Variants in ANO3 observed in about 807,000 individuals in gnomAD.
ANO3 encodes anoctamin-3.
Under a neutral mutation model 144.8 loss-of-function variants are expected in ANO3, and 99 were observed. The observed-to-expected ratio is 0.68, with a 90% CI of 0.58 to 0.81. The LOEUF (loss-of-function observed/expected upper bound fraction) is 0.81, where lower values mean the gene tolerates loss of function less well. Ranked by LOEUF, ANO3 falls within the 30% of genes least tolerant of loss-of-function variation. The pLI, the probability that ANO3 is intolerant of heterozygous loss-of-function variation, is 0.00. For missense variants in ANO3, 905 were observed against 1,202.2 expected (o/e 0.75, Z 3.66); for synonymous variants, 414 against 392.6 (o/e 1.05, Z -0.64).
At chr11:26,271,577 A>G (rs1245849609) in intron 1 of ANO3, among the ~76,000 whole-genome samples, 2 of 152,140 alleles carry the variant, frequency 1.3e-5, no homozygotes, top group African/African-American at 4.8e-5. Flanking sequence ...TACACATTTT[A>G]TCACCCTTCA....
intron 3 of ANO3, among the ~76,000 whole-genome samples, chr11:26,449,233 C>A (rs1858823255): frequency 6.6e-6 from 1 of 152,138 alleles, no homozygotes; most frequent in Non-Finnish European, 1.5e-5. Context: ...ATCAGACTTA[C>A]TTTCTGTCTC....
chr11:26,441,284 A>AT (rs931271080), intron 1 of ANO3, among the ~76,000 whole-genome samples: 3 of 150,186 alleles, frequency 2.0e-5, no homozygotes, highest in Admixed American at 6.6e-5. Context: ...CGCCCGGCTA[A>AT]TTTTTTGTAT....
chr11:26,224,034 A>G (rs960774278), intron 1 of ANO3, among the ~76,000 whole-genome samples: 6 of 152,150 alleles, frequency 3.9e-5, no homozygotes, highest in Non-Finnish European at 7.3e-5. Context: ...GTTTTGGCTA[A>G]GTTGGTGTAA....
intron 14 of ANO3, among the ~76,000 whole-genome samples, chr11:26,597,475 GC>G (rs1164893145): frequency 1.3e-5 from 2 of 152,188 alleles, no homozygotes; most frequent in African/African-American, 4.8e-5. Context: ...TGAATCAGGA[GC>G]ACAGTGGACA....
rs1171485703 is a variant in ANO3, at chr11:26,531,194, C to A, written c.738-11C>A. 1.2e-6 allele frequency: 2 copies of A among 1,613,678 alleles called. No homozygotes were observed. Among genetic ancestry groups the A allele is most frequent in the East Asian group, 4.5e-5 (2 of 44,850 alleles). ...AACCTAATCTAGTTCTCAAATGTGA[C>A]TTCATTCCAGGATGCAAACTTATTT... On this transcript the variant is annotated splice_polypyrimidine_tract_variant and intron_variant, in intron 7 of 26. Coordinates refer to ENST00000256737, the MANE Select transcript of ANO3 (RefSeq NM_031418.4).
intron 14 of ANO3, among the ~76,000 whole-genome samples, chr11:26,577,509 A>G (rs1161048816): frequency 6.6e-6 from 1 of 151,268 alleles, no homozygotes; most frequent in East Asian, 2.0e-4. Flanking sequence ...GTTGCAGTGA[A>G]GCTGAGATTG....
chr11:26,454,129 G>C (rs1859054599), intron 3 of ANO3, among the ~76,000 whole-genome samples: 2 of 152,022 alleles, frequency 1.3e-5, no homozygotes, highest in Admixed American at 1.3e-4. Context: ...AAGCAGGAAA[G>C]ATCCAAAATT....
intron 1 of ANO3, among the ~76,000 whole-genome samples, chr11:26,279,491 C>T (rs57268117): frequency 0.035 from 5,298 of 152,124 alleles, 180 homozygotes; most frequent in African/African-American, 0.09. Context: ...AATTCAACAA[C>T]AAAAAGACAA....
chr11:26,468,023 A>T (rs1859660702), intron 4 of ANO3, among the ~76,000 whole-genome samples: 1 of 151,920 alleles, frequency 6.6e-6, no homozygotes, highest in African/African-American at 2.4e-5. Context: ...TGAGAACAAC[A>T]TTTGAAGATA....
chr11:26,434,533 G>C (rs186746564), intron 1 of ANO3, among the ~76,000 whole-genome samples: 2 of 151,880 alleles, frequency 1.3e-5, no homozygotes, highest in Admixed American at 6.6e-5. Flanking sequence ...GTTAATTTGG[G>C]ATCTTTCTAA....
chr11:26,625,226 C>G (rs1009370053), intron 18 of ANO3, among the ~76,000 whole-genome samples: 14 of 152,192 alleles, frequency 9.2e-5, no homozygotes, highest in Admixed American at 9.2e-4. Flanking sequence ...TGTCCGGCTA[C>G]TTTTAACATT....
At chr11:26,656,285 C>T in intron 25 of ANO3, 80 bp downstream of exon 25, 1 of 1,486,180 alleles carries the variant, frequency 6.7e-7, no homozygotes, top group Non-Finnish European at 9.4e-7. Flanking sequence ...GACATTTAAA[C>T]TGTTATTTTG....
chr11:26,193,253 T>G (rs2133904599), intron 1 of ANO3, among the ~76,000 whole-genome samples: 1 of 150,374 alleles, frequency 6.7e-6, no homozygotes, highest in South Asian at 2.1e-4. Flanking sequence ...GCGATTATCC[T>G]GCCTCAGCCT....
chr11:26,322,183 T>G (rs1252376921), intron 1 of ANO3, among the ~76,000 whole-genome samples: 1 of 152,090 alleles, frequency 6.6e-6, no homozygotes, highest in African/African-American at 2.4e-5. Context: ...TTACTTGTAC[T>G]TGAATATAAT....
At chr11:26,556,852 G>A (rs185105978) in intron 13 of ANO3, among the ~76,000 whole-genome samples, 1 of 152,206 alleles carries the variant, frequency 6.6e-6, no homozygotes, top group Non-Finnish European at 1.5e-5. Context: ...ATCTGCCAAG[G>A]AGGCACCTTG....
chr11:26,381,820 G>A (rs1482250642), intron 1 of ANO3, among the ~76,000 whole-genome samples: 1 of 152,056 alleles, frequency 6.6e-6, no homozygotes, highest in Non-Finnish European at 1.5e-5. Flanking sequence ...ATTTCCCAAG[G>A]GCAATGATTG....
chr11:26,238,016 T>A (rs1038241302), intron 1 of ANO3, among the ~76,000 whole-genome samples: 1 of 152,134 alleles, frequency 6.6e-6, no homozygotes, highest in Non-Finnish European at 1.5e-5. Flanking sequence ...TTAGACAAAC[T>A]GTGTACTTAT....
chr11:26,522,123 G>A (rs111489608), intron 6 of ANO3, among the ~76,000 whole-genome samples: 1 of 152,090 alleles, frequency 6.6e-6, no homozygotes, highest in Admixed American at 6.5e-5. Flanking sequence ...GGCTGAGCTT[G>A]CAGTGAGCCG....
At chr11:26,503,753 CAGAT>C (rs1445997142) in intron 4 of ANO3, among the ~76,000 whole-genome samples, 2 of 152,066 alleles carry the variant, frequency 1.3e-5, no homozygotes, top group Admixed American at 1.3e-4. Flanking sequence ...ATTTTTAAAA[CAGAT>C]AGCTGTCTTT....
Sources: gnomAD v4.1 joint callset for allele counts (sites outside exome capture counted in the v4.1 genomes callset) on GRCh38, gnomAD v4.1.1 for gene constraint, MANE v1.5 for transcripts, NCBI Gene and HGNC (gene_info 2026-07-23, HGNC 2026-07-21) for gene names.